The following TINAG variants were observed in gnomAD, a reference collection of about 807,000 sequenced individuals.
TINAG encodes tubulointerstitial nephritis antigen.
A neutral mutation model predicts 72.7 loss-of-function variants in TINAG; 83 were observed. The observed-to-expected ratio is 1.14, with a 90% CI of 0.96 to 1.37. The LOEUF (loss-of-function observed/expected upper bound fraction) is 1.37, where lower values mean the gene tolerates loss of function less well. TINAG is among the 40% of genes most tolerant of loss of function. The pLI is 0.00. For synonymous variants in TINAG, 234 were observed against 189.9 expected (o/e 1.23, Z -1.91); for missense variants, 685 against 576.6 (o/e 1.19, Z -1.93).
intron 4 of TINAG, among the ~76,000 whole-genome samples, chr6:54,330,818 C>A (rs1784721361): frequency 6.6e-6 from 1 of 152,168 alleles, no homozygotes; most frequent in Non-Finnish European, 1.5e-5. Context: ...TCAGAGAATA[C>A]TATAAACACC....
At chr6:54,370,725 G>A (rs1221502592) in intron 9 of TINAG, among the ~76,000 whole-genome samples, 1 of 152,070 alleles carries the variant, frequency 6.6e-6, no homozygotes, top group East Asian at 1.9e-4. Context: ...TGTCGGAAGA[G>A]TAGAGGTGCA....
chr6:54,358,702 A>C (rs116115083), intron 9 of TINAG, among the ~76,000 whole-genome samples: 1,743 of 151,916 alleles, frequency 0.011, 44 homozygotes, highest in African/African-American at 0.04. Context: ...GATGGGACTT[A>C]TAATAAATTC....
At chr6:54,356,517 T>C (rs1763046278) in intron 9 of TINAG, among the ~76,000 whole-genome samples, 1 of 151,928 alleles carries the variant, frequency 6.6e-6, no homozygotes, top group African/African-American at 2.4e-5. Context: ...AGAGTGAGAC[T>C]CTGTCTCAAA....
intron 1 of TINAG, among the ~76,000 whole-genome samples, chr6:54,311,355 A>G (rs1784254389): frequency 6.6e-6 from 1 of 152,156 alleles, no homozygotes; most frequent in South Asian, 2.1e-4. Context: ...TATCATAAAG[A>G]AGTCCATGAT....
chr6:54,338,052 C>T (rs1270683860), intron 4 of TINAG, among the ~76,000 whole-genome samples: 1 of 152,172 alleles, frequency 6.6e-6, no homozygotes, highest in Non-Finnish European at 1.5e-5. Context: ...AATGGAACCT[C>T]ACACCCTTCG....
In TINAG at chr6:54,326,916, A is replaced by G; in HGVS notation, c.624A>G (p.Thr208=). The G allele has an allele frequency of 6.2e-7, 1 of 1,613,178 alleles. No individual in the cohort carries two copies. The highest frequency in any genetic ancestry group is 8.5e-7 in the Non-Finnish European group (1 of 1,179,792). Residue 208 remains threonine (T), a splice_region_variant and synonymous_variant, in exon 4 of 11, where the codon ACA becomes ACG. Coordinates refer to ENST00000259782, the MANE Select transcript of TINAG (RefSeq NM_014464.4). ...SPMLLSMNEM[T]ASLPATTDLP... Reference sequence around the variant, plus strand: ...TGCTCCTGAGCATGAATGAAATGACAGTAAGTGTTCCTTCTGATTCACGTA... The same window carrying G: ...TGCTCCTGAGCATGAATGAAATGACGGTAAGTGTTCCTTCTGATTCACGTA...
At position 54,331,208 on chromosome 6, in the gene TINAG, A is replaced by G. The variant is rs546582971; in HGVS notation, c.624+4292A>G. Reference sequence around the variant, plus strand: ...ATGAACATCGATGTGAAAATTCTCAATAAAATACTGGCAAACTGAATCCAG... The same window carrying G: ...ATGAACATCGATGTGAAAATTCTCAGTAAAATACTGGCAAACTGAATCCAG... On this transcript the variant is annotated intron_variant, in intron 4 of 10. Coordinates refer to ENST00000259782, the MANE Select transcript of TINAG (RefSeq NM_014464.4). Among the ~76,000 whole-genome samples the G allele has an allele frequency of 4.9e-4, 75 of 152,308 alleles. No homozygotes were observed. The South Asian group carries it at 0.011, about 22-fold the overall frequency.
At chr6:54,320,529 C>T (rs989644845) in intron 1 of TINAG, 50 bp from the exon 2 acceptor site, 74 of 1,439,808 alleles carry the variant, frequency 5.1e-5, no homozygotes, top group Non-Finnish European at 6.5e-5. Flanking sequence ...TGTTAATGCA[C>T]TTTATTACTT....
At chr6:54,368,490 A>G (rs1309976000) in intron 9 of TINAG, among the ~76,000 whole-genome samples, 14 of 150,788 alleles carry the variant, frequency 9.3e-5, no homozygotes, top group Non-Finnish European at 5.9e-5. Context: ...ACTCTGAACT[A>G]AAAGCTTCAA....
intron 3 of TINAG, among the ~76,000 whole-genome samples, chr6:54,323,693 C>A (rs77815206): frequency 0.036 from 5,466 of 152,266 alleles, 169 homozygotes; most frequent in East Asian, 0.11. Context: ...GTGGCTTATG[C>A]CTGTAATCCC....
In TINAG at chr6:54,326,855, T is replaced by G; in HGVS notation, c.563T>G (p.Phe188Cys). 2 of 1,613,254 alleles carry G rather than the reference T, an allele frequency of 1.2e-6. No individual in the cohort carries two copies. The highest frequency in any genetic ancestry group is 1.7e-6 in the Non-Finnish European group (2 of 1,179,816). Residue 188 changes from phenylalanine (F) to cysteine (C), a missense_variant, in exon 4 of 11, where the codon TTT becomes TGT. Phe to Cys is a radical substitution (Grantham distance 205). Coordinates refer to ENST00000259782, the MANE Select transcript of TINAG (RefSeq NM_014464.4). The stretch of plus-strand genomic sequence containing the variant: ...TGGGGAATGACTTTAGAAGATGGTT[T>G]TAAATTTCGCCTTGGCACTTTGCCA... Reference protein sequence around the residue: ...QFWGMTLEDGFKFRLGTLPPS... With the variant: ...QFWGMTLEDGCKFRLGTLPPS...
At chr6:54,331,939 A>G (rs538599333) in intron 4 of TINAG, among the ~76,000 whole-genome samples, 137 of 152,312 alleles carry the variant, frequency 9.0e-4, no homozygotes, top group South Asian at 4.1e-3. Context: ...ACTACAAACC[A>G]CTGCTCAAGA....
chr6:54,323,384 C>G lies in TINAG; in HGVS notation c.509+1998C>G, dbSNP rs373990370. Among the ~76,000 whole-genome samples the G allele has an allele frequency of 4.5e-4, 69 of 152,304 alleles. 1 individual carries two copies. The South Asian group carries it at 0.014, about 31-fold the overall frequency. The stretch of plus-strand genomic sequence containing the variant: ...GAAAGTTCTAATTCTCAGCTATTCT[C>G]TCTTCATTATGCTCAAATTGTTTTT... On this transcript the variant is annotated intron_variant, in intron 3 of 10. Coordinates refer to ENST00000259782, the MANE Select transcript of TINAG (RefSeq NM_014464.4).
chr6:54,331,000 G>A lies in TINAG; in HGVS notation c.624+4084G>A, dbSNP rs9474809. 2.5e-3 allele frequency among the ~76,000 whole-genome samples: 388 copies of A among 152,186 alleles called. 4 individuals carry two copies. The highest frequency in any genetic ancestry group is 8.7e-3 in the African/African-American group (361 of 41,524). On this transcript the variant is annotated intron_variant, in intron 4 of 10. Coordinates refer to ENST00000259782, the MANE Select transcript of TINAG (RefSeq NM_014464.4). The stretch of plus-strand genomic sequence containing the variant: ...CAACCAAAAAAGTCTAGGACCAGAC[G>A]AATTCATAGCCAAATTATTCCAGAG...
At chr6:54,363,130 C>A (rs972243584) in intron 9 of TINAG, among the ~76,000 whole-genome samples, 3 of 151,544 alleles carry the variant, frequency 2.0e-5, no homozygotes, top group Non-Finnish European at 4.4e-5. Flanking sequence ...GAAGACTACA[C>A]AACACTGTGT....
chr6:54,384,191 T>G (rs560273813), intron 10 of TINAG, among the ~76,000 whole-genome samples: 12 of 152,026 alleles, frequency 7.9e-5, no homozygotes, highest in Non-Finnish European at 1.5e-4. Flanking sequence ...CATCACACAC[T>G]GGGGCCTGTT....
intron 1 of TINAG, among the ~76,000 whole-genome samples, chr6:54,316,078 C>T (rs1001492474): frequency 6.6e-6 from 1 of 152,142 alleles, no homozygotes; most frequent in African/African-American, 2.4e-5. Flanking sequence ...CGTGTTCCCA[C>T]ATCTACGTTG....
At chr6:54,322,302 C>T (rs1478923675) in intron 3 of TINAG, among the ~76,000 whole-genome samples, 1 of 151,234 alleles carries the variant, frequency 6.6e-6, no homozygotes, top group African/African-American at 2.4e-5. Flanking sequence ...GGGGTGAAAC[C>T]CTGTCAAAAA....
At chr6:54,372,754 ATATATATATATATATAT>A (rs1763666430) in intron 9 of TINAG, among the ~76,000 whole-genome samples, 2 of 111,394 alleles carry the variant, frequency 1.8e-5, no homozygotes, top group African/African-American at 7.8e-5. Flanking sequence ...ATATATATAT[ATATATATATATATATAT>A]ACACACACAC....
Sources: gnomAD v4.1 joint callset for allele counts (sites outside exome capture counted in the v4.1 genomes callset) on GRCh38, gnomAD v4.1.1 for gene constraint, MANE v1.5 for transcripts, NCBI Gene and HGNC (gene_info 2026-07-23, HGNC 2026-07-21) for gene names.